Variants in GPC4 observed in about 807,000 individuals in gnomAD.
The protein encoded by GPC4 is glypican-4.
Under a neutral mutation model 35.0 loss-of-function variants are expected in GPC4, and 10 were observed. The ratio of observed to expected loss-of-function variants is 0.29; its 90% CI spans 0.18 to 0.48. The LOEUF is 0.48. GPC4 is among the 20% of genes least tolerant of loss of function. The probability of loss-of-function intolerance (pLI) is 0.99; values close to 1 mark genes in which losing one functional copy is unlikely to be tolerated. For missense variants in GPC4, 322 were observed against 451.3 expected, an observed-to-expected ratio of 0.71 and a Z score of 2.60; for synonymous variants, 167 against 170.2, an observed-to-expected ratio of 0.98 and a Z score of 0.15.
intron 1 of GPC4, among the ~76,000 whole-genome samples, chrX:133,356,146 T>C (rs2068540786): frequency 8.9e-6 from 1 of 112,131 alleles, no homozygotes; most frequent in Non-Finnish European, 1.9e-5. Flanking sequence ...TCAAGTTTCA[T>C]GTTGAAATCT....
chrX:133,348,232 T>C (rs1238141536), intron 1 of GPC4, among the ~76,000 whole-genome samples: 1 of 112,334 alleles, frequency 8.9e-6, no homozygotes, highest in Non-Finnish European at 1.9e-5. Flanking sequence ...ATCCCCATTT[T>C]AACTATACCA....
intron 1 of GPC4, among the ~76,000 whole-genome samples, chrX:133,401,957 T>TTTTACTTTTTAAA (rs2068769075): frequency 8.9e-6 from 1 of 112,668 alleles, no homozygotes; most frequent in Admixed American, 9.4e-5. Flanking sequence ...AAAGTTGTCT[T>TTTTACTTTTTAAA]ATTTTGCTTT....
rs1272513474 is a variant in GPC4 at position 133,303,610 on chromosome X, T to G, written c.1293-269A>C. Among the ~76,000 whole-genome samples the G allele has an allele frequency of 3.3e-4, 37 of 111,049 alleles. 1 individual carries two copies. The highest frequency in any genetic ancestry group is 1.2e-3 in the African/African-American group (37 of 30,530). On this transcript the variant is annotated intron_variant, in intron 7 of 8. Transcript: ENST00000370828. ...TTCTTCAAAGCTATCACAGCACTTT[T>G]GGAGGCTAAGGTGGGTGGATCACTT...
chrX:133,302,413 TA>T lies in GPC4; in HGVS notation c.*453del, dbSNP rs1016476818. On this transcript the variant is annotated 3_prime_UTR_variant, in exon 9 of 9. Transcript: ENST00000370828. ...TTTTGGGCTTTTTCTTTTAATAAGATAACATGATAAATAAAACCTGCTTCTG... is the reference window on the plus strand; with the variant it reads ...TTTTGGGCTTTTTCTTTTAATAAGATACATGATAAATAAAACCTGCTTCTG... The T allele has an allele frequency of 8.8e-6, 1 of 113,351 alleles. No homozygotes were observed. The highest frequency in any genetic ancestry group is 3.2e-5 in the African/African-American group (1 of 30,807). 9.3% of individuals were successfully genotyped at this position (113,351 alleles called of 1,213,427 possible).
At chrX:133,337,941 T>C (rs1355944784) in intron 2 of GPC4, among the ~76,000 whole-genome samples, 2 of 110,120 alleles carry the variant, frequency 1.8e-5, no homozygotes, top group Admixed American at 9.9e-5. Context: ...GGAAAGGTGA[T>C]AGAACTAAGA....
intron 1 of GPC4, among the ~76,000 whole-genome samples, chrX:133,410,188 G>T (rs2068806870): frequency 2.7e-5 from 3 of 111,913 alleles, no homozygotes; most frequent in African/African-American, 9.7e-5. Flanking sequence ...GTTAGCTGAG[G>T]GTCCTCCCAT....
Position 133,303,051 on chromosome X carries a change from T to G in GPC4, c.1487A>C (p.Glu496Ala). Reference protein sequence around the residue: ...FFDISDESSGEGSGSGCEYQQ... With the variant: ...FFDISDESSGAGSGSGCEYQQ... ...ATACTCACAGCCACTTCCACTTCCT[T>G]CTCCACTACTTTCATCACCTAGTTT... The change falls in exon 9 of 9, where the codon GAA becomes GCA. Residue 496 changes from glutamate (E) to alanine (A), a missense_variant. By Grantham distance (107) the Glu-to-Ala change is moderately radical. Coordinates refer to ENST00000370828, the MANE Select transcript of GPC4 (RefSeq NM_001448.3). The G allele has an allele frequency of 8.3e-7, 1 of 1,211,126 alleles. No homozygotes were observed. The highest frequency in any genetic ancestry group is 1.1e-6 in the Non-Finnish European group (1 of 895,220).
In GPC4 at chrX:133,415,340, G is replaced by A. The variant is rs767931150; in HGVS notation, c.-375C>T. ...GAGGGAAGGGTGGCAGGCGCCGCGG[G>A]GACCGCAGAGGGTGTGGGCGGCGGC... On this transcript the variant is annotated 5_prime_UTR_variant, in exon 1 of 9. Transcript: ENST00000370828. The A allele has an allele frequency of 1.6e-4, 31 of 193,576 alleles. No individual in the cohort carries two copies. The South Asian group carries it at 3.1e-3, about 19-fold the overall frequency. The allele number at this position is 193,576 out of a possible 1,213,427, so 16.0% of individuals were successfully genotyped here.
At chrX:133,394,241 GC>G (rs1227930618) in intron 1 of GPC4, among the ~76,000 whole-genome samples, 1 of 109,769 alleles carries the variant, frequency 9.1e-6, no homozygotes, top group African/African-American at 3.3e-5. Context: ...CTTCACTCCA[GC>G]CTGGGTGACA....
intron 4 of GPC4, among the ~76,000 whole-genome samples, chrX:133,306,935 G>A (rs899656805): frequency 9.0e-6 from 1 of 111,716 alleles, no homozygotes; most frequent in Non-Finnish European, 1.9e-5. Context: ...GCACTGAATC[G>A]CTTCAATAAA....
intron 1 of GPC4, among the ~76,000 whole-genome samples, chrX:133,390,021 C>G (rs754055263): frequency 1.8e-5 from 2 of 111,293 alleles, no homozygotes; most frequent in South Asian, 7.7e-4. Flanking sequence ...TTCAGAAGTT[C>G]ATGCACAACA....
rs36008423 is a variant in GPC4 at position 133,409,320 on chromosome X, T to TAA, written c.160+5484_160+5485dup. Among the ~76,000 whole-genome samples, 64 of 31,789 alleles carry TAA rather than the reference T, an allele frequency of 2.0e-3. 2 individuals carry two copies. The highest frequency in any genetic ancestry group is 5.4e-3 in the African/African-American group (55 of 10,268). The allele number at this position is 31,789 out of a possible 115,157, so 27.6% of individuals were successfully genotyped here. On this transcript the variant is annotated intron_variant, in intron 1 of 8. Coordinates refer to ENST00000370828, the MANE Select transcript of GPC4 (RefSeq NM_001448.3). Reference sequence around the variant, plus strand: ...TCTGGGCAACAGTGAGACCCTGCCTTAAAAAAAAAAAAAAAAAAAAAAAAA... The same window carrying TAA: ...TCTGGGCAACAGTGAGACCCTGCCTTAAAAAAAAAAAAAAAAAAAAAAAAAAA...
At chrX:133,349,034 GGT>G (rs2068505505) in intron 1 of GPC4, among the ~76,000 whole-genome samples, 1 of 112,227 alleles carries the variant, frequency 8.9e-6, no homozygotes, top group Non-Finnish European at 1.9e-5. Flanking sequence ...AAACGCCATT[GGT>G]GAGGACTTTT....
chrX:133,402,891 G>A (rs1382453902), intron 1 of GPC4, among the ~76,000 whole-genome samples: 2 of 90,265 alleles, frequency 2.2e-5, no homozygotes, highest in Non-Finnish European at 4.2e-5. Flanking sequence ...CAACAAGAGT[G>A]AAACTACGTC....
intron 4 of GPC4, among the ~76,000 whole-genome samples, chrX:133,309,414 A>G: frequency 8.9e-6 from 1 of 112,655 alleles, no homozygotes; most frequent in Non-Finnish European, 1.9e-5. Flanking sequence ...AGAAAGCCAG[A>G]GTGTGGTTTT....
At chrX:133,367,154 T>C (rs747027226) in intron 1 of GPC4, among the ~76,000 whole-genome samples, 27 of 112,315 alleles carry the variant, frequency 2.4e-4, no homozygotes, top group Non-Finnish European at 4.3e-4. Flanking sequence ...TTTTATTCCT[T>C]GCTTTGCTGT....
At chrX:133,365,100 T>C in intron 1 of GPC4, among the ~76,000 whole-genome samples, 1 of 112,081 alleles carries the variant, frequency 8.9e-6, no homozygotes, top group South Asian at 3.8e-4. Context: ...TTTCCCTGAT[T>C]ACAGCTGTGG....
chrX:133,358,016 G>C (rs1184742508), intron 1 of GPC4, among the ~76,000 whole-genome samples: 1 of 111,274 alleles, frequency 9.0e-6, no homozygotes, highest in African/African-American at 3.3e-5. Context: ...AAAAATTACA[G>C]ACCAAATGGA....
At chrX:133,379,231 G>A (rs1480605340) in intron 1 of GPC4, among the ~76,000 whole-genome samples, 1 of 112,510 alleles carries the variant, frequency 8.9e-6, no homozygotes, top group Non-Finnish European at 1.9e-5. Flanking sequence ...AAATTATGGT[G>A]TGTCCATACA....
Sources: gnomAD v4.1 joint callset for allele counts (sites outside exome capture counted in the v4.1 genomes callset) on GRCh38, gnomAD v4.1.1 for gene constraint, MANE v1.5 for transcripts, NCBI Gene and HGNC (gene_info 2026-07-23, HGNC 2026-07-21) for gene names.